TRPM8: variants seen among roughly 807,000 people sequenced by gnomAD.
TRPM8 encodes TRPM8 cationic channel.
Under a neutral mutation model 133.7 loss-of-function variants are expected in TRPM8, and 110 were observed. The ratio of observed to expected loss-of-function variants is 0.82; its 90% CI spans 0.70 to 0.96. The LOEUF (loss-of-function observed/expected upper bound fraction) is 0.96. Ranked by LOEUF, TRPM8 falls within the 40% of genes least tolerant of loss-of-function variation. TRPM8 has a pLI of 0.00. For synonymous variants in TRPM8, 535 were observed against 532.3 expected, an observed-to-expected ratio of 1.01 and a Z score of -0.07; for missense variants, 1,291 against 1,379.5, an observed-to-expected ratio of 0.94 and a Z score of 1.02.
At chr2:234,004,959 A>G (rs980376242) in intron 22 of TRPM8, among the ~76,000 whole-genome samples, 2 of 152,238 alleles carry the variant, frequency 1.3e-5, no homozygotes, top group East Asian at 3.8e-4. Flanking sequence ...GTGGAGTAGT[A>G]TTCCAGCCTA....
At chr2:233,924,023 C>G (rs529191295) in intron 1 of TRPM8, among the ~76,000 whole-genome samples, 2 of 152,210 alleles carry the variant, frequency 1.3e-5, no homozygotes, top group East Asian at 3.9e-4. Flanking sequence ...CTAATAAAAA[C>G]AACTACTTTT....
intron 21 of TRPM8, among the ~76,000 whole-genome samples, chr2:233,992,731 G>C (rs1221223098): frequency 6.6e-6 from 1 of 152,166 alleles, no homozygotes; most frequent in Non-Finnish European, 1.5e-5. Flanking sequence ...TTCTCTCAGG[G>C]ACAACACCAG....
chr2:233,937,611 A>G (rs1690788363), intron 4 of TRPM8, 102 bp downstream of exon 4: 4 of 1,352,570 alleles, frequency 3.0e-6, no homozygotes, highest in Admixed American at 2.3e-5. Context: ...GGCAGGAGAG[A>G]TGGGTAGTAA....
At chr2:234,010,510 G>T (rs769180968) in intron 24 of TRPM8, among the ~76,000 whole-genome samples, 3 of 152,180 alleles carry the variant, frequency 2.0e-5, no homozygotes, top group Admixed American at 6.5e-5. Flanking sequence ...AGGTGGGATT[G>T]CTGGATCATA....
intron 16 of TRPM8, 148 bp from the exon 17 acceptor site, chr2:233,970,062 G>T (rs972129188): frequency 1.3e-6 from 1 of 773,906 alleles, no homozygotes; most frequent in Non-Finnish European, 2.2e-6. Context: ...GGATTTAATT[G>T]GGGTTGGTTC....
intron 21 of TRPM8, among the ~76,000 whole-genome samples, chr2:233,993,980 A>G (rs932193885): frequency 1.3e-5 from 2 of 152,194 alleles, no homozygotes; most frequent in African/African-American, 2.4e-5. Flanking sequence ...CTTTTTTGAA[A>G]TAGAGCATCT....
chr2:233,999,299 T>G (rs1574779347), intron 22 of TRPM8, among the ~76,000 whole-genome samples: 1 of 150,896 alleles, frequency 6.6e-6, no homozygotes, highest in Admixed American at 6.6e-5. Flanking sequence ...CAGCAGGGAG[T>G]CTCAGTGTCA....
chr2:233,951,522 A>G lies in TRPM8; in HGVS notation c.1140+1376A>G, dbSNP rs1040982711. ...GTCTTGACCAGGCCATGTCCAACGA[A>G]TAGAGGCCATCTGAAGGGCTACCAC... On this transcript the variant is annotated intron_variant, in intron 9 of 25. Transcript: ENST00000324695. Among the ~76,000 whole-genome samples, 3 of 152,158 alleles carry G rather than the reference A, an allele frequency of 2.0e-5. No homozygotes were observed. In the East Asian group the frequency reaches 5.8e-4, roughly 29 times the overall value.
intron 9 of TRPM8, among the ~76,000 whole-genome samples, chr2:233,950,601 C>T (rs72972180): frequency 5.9e-5 from 9 of 152,334 alleles, no homozygotes; most frequent in Non-Finnish European, 1.2e-4. Flanking sequence ...ACACAGGCAG[C>T]GCCGGACACC....
intron 22 of TRPM8, among the ~76,000 whole-genome samples, chr2:233,998,999 T>C (rs531845637): frequency 6.6e-5 from 10 of 152,230 alleles, no homozygotes; most frequent in Non-Finnish European, 1.3e-4. Context: ...AGGATTTTCA[T>C]TTTCAGTTTC....
intron 22 of TRPM8, among the ~76,000 whole-genome samples, chr2:234,002,588 A>G (rs6710801): frequency 0.043 from 6,525 of 152,212 alleles, 274 homozygotes; most frequent in African/African-American, 0.088. Flanking sequence ...TCAGATCCTG[A>G]TGCTCACTCC....
Position 233,982,591 on chromosome 2 carries a change from G to A in TRPM8, c.2590-462G>A, listed in dbSNP as rs546099366. Among the ~76,000 whole-genome samples, 36 of 152,130 alleles carry A rather than the reference G, an allele frequency of 2.4e-4. 1 individual carries two copies. The South Asian group carries it at 3.9e-3, about 17-fold the overall frequency. ...CAGTCATCATGAAGTCATGCTATGT[G>A]TGCACAAAATTAAAAAAAAATTAAA... On this transcript the variant is annotated intron_variant, in intron 19 of 25. Transcript: ENST00000324695.
rs1284503712 is a variant in TRPM8 at position 233,981,805 on chromosome 2, T to G, written c.2479T>G (p.Ser827Ala). 6.2e-7 allele frequency: 1 copy of G among 1,613,368 alleles called. No homozygotes were observed. Among genetic ancestry groups the G allele is most frequent in the African/African-American group, 1.3e-5 (1 of 74,906 alleles). ...LHSSNKSSLYSGRVIFCLDYI... is the reference protein window; with the variant it reads ...LHSSNKSSLYAGRVIFCLDYI... Reference sequence around the variant, plus strand: ...CTCTTCTAATAAAAGCTCTTTGTATTCTGGACGAGTCATTTTCTGTCTGGA... The same window carrying G: ...CTCTTCTAATAAAAGCTCTTTGTATGCTGGACGAGTCATTTTCTGTCTGGA... The change falls in exon 19 of 26, where the codon TCT (serine) becomes GCT (alanine). Residue 827 changes from serine to alanine, a missense_variant. Physicochemically the swap from Ser to Ala is moderately conservative, Grantham distance 99. Transcript: ENST00000324695.
intron 5 of TRPM8, among the ~76,000 whole-genome samples, chr2:233,941,839 T>C (rs1055976741): frequency 2.6e-5 from 4 of 152,038 alleles, no homozygotes; most frequent in Non-Finnish European, 4.4e-5. Context: ...TAAAGCAAAG[T>C]TATTGACACA....
chr2:233,937,536 G>A, intron 4 of TRPM8, 27 bp downstream of exon 4: 1 of 1,599,848 alleles, frequency 6.3e-7, no homozygotes. Context: ...TACTTTGGCA[G>A]CTAATTCATA....
At chr2:233,985,259 G>A (rs1212371094) in intron 20 of TRPM8, among the ~76,000 whole-genome samples, 1 of 152,160 alleles carries the variant, frequency 6.6e-6, no homozygotes, top group African/African-American at 2.4e-5. Context: ...CTCAGCCTCT[G>A]CTCTCAGTTC....
intron 8 of TRPM8, 123 bp from the exon 9 acceptor site, chr2:233,949,826 C>T: frequency 2.6e-6 from 2 of 763,740 alleles, no homozygotes; most frequent in Non-Finnish European, 2.1e-6. Flanking sequence ...AATAAAAGCC[C>T]CAAAGGAAAA....
chr2:233,971,326 C>G (rs145445137), intron 17 of TRPM8, among the ~76,000 whole-genome samples: 3 of 152,304 alleles, frequency 2.0e-5, no homozygotes, highest in Non-Finnish European at 4.4e-5. Flanking sequence ...TTCATGCCAA[C>G]TCTGACAGAC....
chr2:234,015,601 G>A (rs948251689), intron 25 of TRPM8, among the ~76,000 whole-genome samples: 7 of 152,074 alleles, frequency 4.6e-5, no homozygotes, highest in African/African-American at 1.7e-4. Flanking sequence ...GTTGCATTAG[G>A]TTCCTTTCAA....
Sources: allele counts gnomAD v4.1 joint callset (sites outside exome capture counted in the v4.1 genomes callset), GRCh38; gene constraint gnomAD v4.1.1; transcripts MANE v1.5; gene names NCBI Gene and HGNC (gene_info 2026-07-23, HGNC 2026-07-21).